The following RBM19 variants were observed in gnomAD, a reference collection of about 807,000 sequenced individuals.
RBM19 encodes the protein RNA binding motif protein 19, also known as probable RNA-binding protein 19.
In RBM19, 94 loss-of-function variants were observed where a neutral mutation model predicts 116.8. The ratio of observed to expected loss-of-function variants is 0.80; its 90% CI spans 0.68 to 0.95. The LOEUF (loss-of-function observed/expected upper bound fraction) is 0.95, where lower values mean the gene tolerates loss of function less well. RBM19 is among the 40% of genes least tolerant of loss of function. RBM19 has a pLI of 0.00. For missense variants in RBM19, 1,161 were observed against 1,220.7 expected, an observed-to-expected ratio of 0.95 and a Z score of 0.73; for synonymous variants, 475 against 494.1, an observed-to-expected ratio of 0.96 and a Z score of 0.51.
intron 6 of RBM19, 75 bp from the exon 7 acceptor site, chr12:113,955,286 C>A (rs1871830629): frequency 1.4e-6 from 2 of 1,405,958 alleles, no homozygotes; most frequent in African/African-American, 2.8e-5. Flanking sequence ...CACACTGGGA[C>A]ATTTCAGTGC....
chr12:113,922,511 G>T (rs10850238), intron 18 of RBM19, among the ~76,000 whole-genome samples: 1 of 151,902 alleles, frequency 6.6e-6, no homozygotes, highest in Admixed American at 6.6e-5. Flanking sequence ...TGGCCCCACA[G>T]AGCATCTGAC....
intron 23 of RBM19, among the ~76,000 whole-genome samples, chr12:113,828,310 T>A (rs1381781608): frequency 6.6e-6 from 1 of 152,132 alleles, no homozygotes; most frequent in Non-Finnish European, 1.5e-5. Context: ...GTGGCAGACC[T>A]GTCCCCTCCC....
intron 11 of RBM19, 128 bp downstream of exon 11, chr12:113,947,206 C>T (rs141574012): frequency 1.0e-4 from 126 of 1,209,860 alleles, no homozygotes; most frequent in African/African-American, 3.9e-4. Flanking sequence ...ACTTAGCATG[C>T]CATTGCACAT....
At position 113,930,744 on chromosome 12, in the gene RBM19, T is replaced by A. The variant is rs528468912; in HGVS notation, c.2069-3515A>T. Among the ~76,000 whole-genome samples, 19 of 152,088 alleles carry A rather than the reference T, an allele frequency of 1.2e-4. No homozygotes were observed. The South Asian group carries it at 3.3e-3, about 27-fold the overall frequency. ...GTCCGTTCTTTCCCTGAACCTTGAG[T>A]TCATAGCAACAACCGCCCTACACCT... On this transcript the variant is annotated intron_variant, in intron 16 of 23. Coordinates refer to ENST00000261741, the MANE Select transcript of RBM19 (RefSeq NM_016196.4).
chr12:113,909,029 G>A (rs535722125), intron 21 of RBM19, among the ~76,000 whole-genome samples: 4 of 152,288 alleles, frequency 2.6e-5, no homozygotes, highest in Admixed American at 1.3e-4. Flanking sequence ...CAATGGTAAC[G>A]GGACTGCAGG....
At chr12:113,957,058 C>A (rs1475240062) in intron 6 of RBM19, among the ~76,000 whole-genome samples, 1 of 152,180 alleles carries the variant, frequency 6.6e-6, no homozygotes, top group Non-Finnish European at 1.5e-5. Context: ...TCACTTCTGC[C>A]CCATTGGTGG....
In RBM19 at chr12:113,959,331, T is replaced by C. The variant is rs773183499; in HGVS notation, c.452A>G (p.Asn151Ser). 13 of 1,613,782 alleles carry C rather than the reference T, an allele frequency of 8.1e-6. No homozygotes were observed. The highest frequency in any genetic ancestry group is 1.1e-5 in the Non-Finnish European group (13 of 1,179,796). ...CGAGGGCTCAGCATCCAGGCCATCA[T>C]TCGCCCAAGTGGCTGCCTGCGCCCG... ...QRRAQAATWANDGLDAEPSKG... is the reference protein window; with the variant it reads ...QRRAQAATWASDGLDAEPSKG... Residue 151 changes from asparagine (N) to serine (S), a missense_variant, in exon 5 of 24, where the codon AAT (asparagine) becomes AGT (serine). By Grantham distance (46) the Asn-to-Ser change is conservative. Transcript: ENST00000261741.
At position 113,962,235 on chromosome 12, in the gene RBM19, G is replaced by A. The variant is rs375347402; in HGVS notation, c.216C>T (p.Ile72=). 1.2e-6 allele frequency: 2 copies of A among 1,614,126 alleles called. No individual in the cohort carries two copies. The highest frequency in any genetic ancestry group is 1.7e-6 in the Non-Finnish European group (2 of 1,180,028). The change falls in exon 2 of 24, where the codon ATC becomes ATT. Residue 72 remains isoleucine (I), a synonymous_variant. Transcript: ENST00000261741. ...GGTGAGACTCCTGCCCACTCACTGT[G>A]ATCCGGGATGTGTCGATGAAGCTCT... is the stretch of plus-strand genomic sequence containing the variant. ...FNKSFIDTSR[I]TVEFCKSFGD...
At chr12:113,954,244 A>C (rs1871715682) in intron 7 of RBM19, among the ~76,000 whole-genome samples, 1 of 152,200 alleles carries the variant, frequency 6.6e-6, no homozygotes, top group African/African-American at 2.4e-5. Context: ...GTGAGCTATG[A>C]TGGCAGCACT....
intron 21 of RBM19, among the ~76,000 whole-genome samples, chr12:113,888,043 C>T (rs1880668295): frequency 6.6e-6 from 1 of 152,094 alleles, no homozygotes; most frequent in African/African-American, 2.4e-5. Flanking sequence ...TTTACAAGTC[C>T]CTGAGGCCAC....
At chr12:113,863,360 T>C (rs1371444289) in intron 21 of RBM19, among the ~76,000 whole-genome samples, 1 of 152,020 alleles carries the variant, frequency 6.6e-6, no homozygotes, top group Admixed American at 6.6e-5. Context: ...CTTGGGTCTC[T>C]CTCTCCCTCC....
chr12:113,940,847 A>G (rs1231669816), intron 14 of RBM19, among the ~76,000 whole-genome samples: 2 of 152,234 alleles, frequency 1.3e-5, no homozygotes, highest in Admixed American at 6.5e-5. Flanking sequence ...GCCTTGAGAA[A>G]TGTACTTAAC....
downstream of RBM19, among the ~76,000 whole-genome samples, chr12:113,821,593 T>C (rs1874419690): frequency 6.6e-6 from 1 of 152,138 alleles, no homozygotes; most frequent in Admixed American, 6.5e-5. Context: ...CTGTGGTTGA[T>C]GTGACTCTGT....
At chr12:113,912,741 C>T (rs1882517598) in intron 21 of RBM19, among the ~76,000 whole-genome samples, 1 of 152,216 alleles carries the variant, frequency 6.6e-6, no homozygotes, top group South Asian at 2.1e-4. Context: ...ACCCATAGAA[C>T]CTGCCTGCCC....
chr12:113,916,884 C>T (rs1479892769), intron 20 of RBM19, among the ~76,000 whole-genome samples: 3 of 152,208 alleles, frequency 2.0e-5, no homozygotes, highest in African/African-American at 7.2e-5. Context: ...AATTCCTGAC[C>T]CATGAAACTA....
chr12:113,965,347 A>G (rs76831489), intron 1 of RBM19, among the ~76,000 whole-genome samples: 1 of 89,708 alleles, frequency 1.1e-5, no homozygotes, highest in Non-Finnish European at 2.4e-5. Context: ...AAGAGAGAGA[A>G]AAAAAAGAGA....
chr12:113,840,221 T>A (rs1261132082), intron 23 of RBM19, among the ~76,000 whole-genome samples: 1 of 152,166 alleles, frequency 6.6e-6, no homozygotes, highest in African/African-American at 2.4e-5. Context: ...TGGAAAAGAG[T>A]GCTGAAAAAT....
chr12:113,938,012 C>G (rs1344457614), intron 15 of RBM19, among the ~76,000 whole-genome samples: 2 of 152,164 alleles, frequency 1.3e-5, no homozygotes, highest in Non-Finnish European at 2.9e-5. Flanking sequence ...TGCATCACTA[C>G]TTAGCTGTGT....
At position 113,823,324 on chromosome 12, in the gene RBM19, GT is replaced by G. The variant is rs1565956074; in HGVS notation, c.2786-4del. On this transcript the variant is annotated splice_polypyrimidine_tract_variant and splice_region_variant and intron_variant, in intron 23 of 23. Coordinates refer to ENST00000261741, the MANE Select transcript of RBM19 (RefSeq NM_016196.4). ...AGACCGCTTTTTCTTCGGGGGCTCTGTGGGAGCCCAGATGGCAAGAGAGGAG... is the reference window on the plus strand; with the variant it reads ...AGACCGCTTTTTCTTCGGGGGCTCTGGGGAGCCCAGATGGCAAGAGAGGAG... 1.2e-6 allele frequency: 2 copies of G among 1,612,212 alleles called. No homozygotes were observed. The highest frequency in any genetic ancestry group is 1.7e-6 in the Non-Finnish European group (2 of 1,179,626).
Sources: allele counts gnomAD v4.1 joint callset (sites outside exome capture counted in the v4.1 genomes callset), GRCh38; gene constraint gnomAD v4.1.1; transcripts MANE v1.5; gene names NCBI Gene and HGNC (gene_info 2026-07-23, HGNC 2026-07-21).